The following NRXN1 variants were observed in gnomAD, a reference collection of about 807,000 sequenced individuals.
The protein encoded by NRXN1 is neurexin 1.
NRXN1 carries 39 observed loss-of-function variants against 150.9 expected under a neutral mutation model. The ratio of observed to expected loss-of-function variants is 0.26; its 90% CI spans 0.20 to 0.34. NRXN1 has a LOEUF of 0.34. Ranked by LOEUF, NRXN1 falls within the 10% of genes least tolerant of loss-of-function variation. NRXN1 has a pLI of 1.00. For synonymous variants in NRXN1, 924 were observed against 757.0 expected (o/e 1.22, Z -3.62); for missense variants, 1,815 against 1,949.9 (o/e 0.93, Z 1.30).
intron 2 of NRXN1, among the ~76,000 whole-genome samples, chr2:51,007,340 G>C (rs1246052198): frequency 1.3e-5 from 2 of 151,762 alleles, no homozygotes; most frequent in African/African-American, 4.8e-5. Context: ...AAATCTAAGA[G>C]GGTTAAAAAT....
intron 17 of NRXN1, among the ~76,000 whole-genome samples, chr2:50,403,806 A>C (rs1572845706): frequency 6.6e-6 from 1 of 152,254 alleles, no homozygotes; most frequent in East Asian, 1.9e-4. Flanking sequence ...TTATTTCATT[A>C]GAAGAGATTT....
chr2:49,961,320 GCACACACACACACACACACA>G (rs71401054), intron 21 of NRXN1, among the ~76,000 whole-genome samples: 4 of 145,858 alleles, frequency 2.7e-5, no homozygotes, highest in Middle Eastern at 7.2e-3. Flanking sequence ...GCGCACGCAT[GCACACACACACACACACACA>G]CACACACATC....
intron 9 of NRXN1, among the ~76,000 whole-genome samples, chr2:50,548,495 T>C (rs1461033468): frequency 1.1e-4 from 17 of 152,192 alleles, no homozygotes; most frequent in Non-Finnish European, 1.3e-4. Context: ...AAGAGTGCCA[T>C]TATTCTCCAA....
chr2:50,995,719 T>C (rs6714295), intron 2 of NRXN1, among the ~76,000 whole-genome samples: 33,831 of 151,846 alleles, frequency 0.22, 4,146 homozygotes, highest in Non-Finnish European at 0.29. Context: ...CCCCATCTAG[T>C]AGTTTCTCTT....
chr2:50,136,076 A>T (rs1706359611), intron 18 of NRXN1, among the ~76,000 whole-genome samples: 1 of 152,182 alleles, frequency 6.6e-6, no homozygotes, highest in South Asian at 2.1e-4. Flanking sequence ...TTTCTCTAAC[A>T]AAATCTCCTT....
chr2:50,341,532 G>A lies in NRXN1; in HGVS notation c.3365-104562C>T, dbSNP rs766877222. On this transcript the variant is annotated intron_variant, in intron 17 of 22. Transcript: ENST00000401669. ...ATTCTTAGTAAAGATAAGCAGCTTC[G>A]TACATTTACACAGTGCTAGTAAATG... 2.0e-5 allele frequency among the ~76,000 whole-genome samples: 3 copies of A among 152,008 alleles called. No individual in the cohort carries two copies. In the East Asian group the frequency reaches 5.8e-4, roughly 29 times the overall value.
At chr2:50,137,920 AT>A (rs1706663523) in intron 18 of NRXN1, among the ~76,000 whole-genome samples, 2 of 152,208 alleles carry the variant, frequency 1.3e-5, no homozygotes, top group Admixed American at 1.3e-4. Context: ...TGTACAAACA[AT>A]TTCTCCTTTG....
intron 2 of NRXN1, among the ~76,000 whole-genome samples, chr2:50,994,508 A>T (rs1698992437): frequency 6.6e-6 from 1 of 152,018 alleles, no homozygotes; most frequent in Admixed American, 6.6e-5. Context: ...GCAGAACAGA[A>T]TGTACATGCC....
intron 21 of NRXN1, among the ~76,000 whole-genome samples, chr2:49,986,860 T>C (rs556387672): frequency 6.6e-6 from 1 of 152,120 alleles, no homozygotes; most frequent in South Asian, 2.1e-4. Context: ...GCCCAGGAGT[T>C]TGAGACCAGC....
At chr2:50,190,931 A>G (rs2061404647) in intron 18 of NRXN1, among the ~76,000 whole-genome samples, 1 of 152,124 alleles carries the variant, frequency 6.6e-6, no homozygotes, top group South Asian at 2.1e-4. Flanking sequence ...CTAACATTTT[A>G]AAGTGTTAAC....
intron 17 of NRXN1, among the ~76,000 whole-genome samples, chr2:50,378,632 G>A (rs2080705402): frequency 6.6e-6 from 1 of 152,018 alleles, no homozygotes; most frequent in Non-Finnish European, 1.5e-5. Context: ...TTAAATTGGG[G>A]GCTTTTTGTA....
rs1020247782 is a variant in NRXN1 at position 50,357,314 on chromosome 2, A to T, written c.3364+108128T>A. 2.3e-3 allele frequency among the ~76,000 whole-genome samples: 340 copies of T among 146,170 alleles called. 2 individuals are homozygous for T. The highest frequency in any genetic ancestry group is 3.5e-3 in the Non-Finnish European group (233 of 66,724). Reference sequence around the variant, plus strand: ...TATTTATTTATTTATTTTTTTTTTTATTTATTATTTTGAGACAAAGTTTCA... The same window carrying T: ...TATTTATTTATTTATTTTTTTTTTTTTTTATTATTTTGAGACAAAGTTTCA... On this transcript the variant is annotated intron_variant, in intron 17 of 22. Coordinates refer to ENST00000401669, the MANE Select transcript of NRXN1 (RefSeq NM_001330078.2).
Position 50,636,115 on chromosome 2 carries a change from T to A in NRXN1, c.833-12500A>T, listed in dbSNP as rs538151323. Among the ~76,000 whole-genome samples, 35 of 152,292 alleles carry A rather than the reference T, an allele frequency of 2.3e-4. 1 individual carries two copies. Among genetic ancestry groups the A allele is most frequent in the Admixed American group, 1.8e-3 (28 of 15,298 alleles). ...CTCATTCTAGGAGCACTTGGTTAAT[T>A]AAGGCTCATTACATAAGAACGAGAT... On this transcript the variant is annotated intron_variant, in intron 5 of 22. Coordinates refer to ENST00000401669, the MANE Select transcript of NRXN1 (RefSeq NM_001330078.2).
chr2:50,777,175 A>T (rs1376147843), intron 5 of NRXN1, among the ~76,000 whole-genome samples: 1 of 152,142 alleles, frequency 6.6e-6, no homozygotes, highest in Non-Finnish European at 1.5e-5. Context: ...AGCTAGTCTT[A>T]CTAGATTTTA....
chr2:50,176,184 A>G (rs977685773), intron 18 of NRXN1, among the ~76,000 whole-genome samples: 5 of 152,156 alleles, frequency 3.3e-5, no homozygotes, highest in African/African-American at 1.2e-4. Context: ...AGAAACCTTG[A>G]TATATGTTTT....
chr2:50,260,935 G>A (rs10153791), intron 17 of NRXN1, among the ~76,000 whole-genome samples: 62,106 of 151,178 alleles, frequency 0.41, 12,956 homozygotes, highest in Middle Eastern at 0.46. Flanking sequence ...TAAATTGGGG[G>A]CTGAAGTGGG....
At chr2:50,761,990 C>T (rs1185908384) in intron 5 of NRXN1, among the ~76,000 whole-genome samples, 1 of 151,826 alleles carries the variant, frequency 6.6e-6, no homozygotes, top group African/African-American at 2.4e-5. Context: ...TGTTGGCTTC[C>T]CTGCTTTTGA....
At chr2:50,633,320 G>C (rs1326241646) in intron 5 of NRXN1, among the ~76,000 whole-genome samples, 2 of 151,770 alleles carry the variant, frequency 1.3e-5, no homozygotes, top group Non-Finnish European at 2.9e-5. Flanking sequence ...TTTTAAAAAA[G>C]AATGACAGTT....
chr2:50,482,369 T>C (rs1459613735), intron 15 of NRXN1, among the ~76,000 whole-genome samples: 1 of 152,220 alleles, frequency 6.6e-6, no homozygotes, highest in East Asian at 1.9e-4. Flanking sequence ...CTTTAAATTT[T>C]TAAATTTACC....
Sources: gnomAD v4.1 joint callset for allele counts (sites outside exome capture counted in the v4.1 genomes callset) on GRCh38, gnomAD v4.1.1 for gene constraint, MANE v1.5 for transcripts, NCBI Gene and HGNC (gene_info 2026-07-23, HGNC 2026-07-21) for gene names.